SND1: variants seen among roughly 807,000 people sequenced by gnomAD.
SND1 encodes staphylococcal nuclease domain-containing protein 1.
SND1 carries 38 observed loss-of-function variants against 121.7 expected under a neutral mutation model. The ratio of observed to expected loss-of-function variants is 0.31; its 90% CI spans 0.24 to 0.41. The LOEUF (loss-of-function observed/expected upper bound fraction) is 0.41. SND1 is among the 10% of genes least tolerant of loss of function. SND1 has a pLI of 1.00. For synonymous variants in SND1, 401 were observed against 447.4 expected (o/e 0.90, Z 1.31); for missense variants, 868 against 1,184.6 (o/e 0.73, Z 3.92).
chr7:127,856,065 C>G (rs1382112497), intron 12 of SND1, among the ~76,000 whole-genome samples: 1 of 152,144 alleles, frequency 6.6e-6, no homozygotes, highest in East Asian at 1.9e-4. Flanking sequence ...CATTTTCCCC[C>G]TAAGTATTGA....
chr7:127,768,810 G>A (rs535766276), intron 10 of SND1, among the ~76,000 whole-genome samples: 14 of 152,154 alleles, frequency 9.2e-5, no homozygotes, highest in African/African-American at 2.2e-4. Flanking sequence ...ATTTAGTGTC[G>A]TTTTATTCAA....
chr7:128,057,452 G>C (rs1793161503), intron 16 of SND1, among the ~76,000 whole-genome samples: 1 of 152,212 alleles, frequency 6.6e-6, no homozygotes, highest in Admixed American at 6.5e-5. Context: ...GAGGTGGGCA[G>C]TTCAGAACCA....
At chr7:127,707,711 A>T in intron 9 of SND1, 64 bp downstream of exon 9, 5 of 1,381,096 alleles carry the variant, frequency 3.6e-6, no homozygotes, top group Non-Finnish European at 5.2e-6. Context: ...TAATACAAGA[A>T]TTTGAACAAT....
At chr7:127,662,871 C>T (rs907042911) in intron 1 of SND1, among the ~76,000 whole-genome samples, 3 of 151,390 alleles carry the variant, frequency 2.0e-5, no homozygotes, top group East Asian at 1.9e-4. Context: ...GCACATAACC[C>T]GTGCACAACC....
chr7:128,028,027 T>C (rs1284375272), intron 16 of SND1: 1 of 152,702 alleles, frequency 6.5e-6, no homozygotes, highest in Non-Finnish European at 1.5e-5. Flanking sequence ...CCAAGACTTG[T>C]GCACATGGAC....
At chr7:127,958,367 T>C (rs945769212) in intron 15 of SND1, among the ~76,000 whole-genome samples, 1 of 152,214 alleles carries the variant, frequency 6.6e-6, no homozygotes, top group Non-Finnish European at 1.5e-5. Flanking sequence ...GTTACCCTTA[T>C]TTTGCTGGTG....
At chr7:127,736,061 T>G (rs913524646) in intron 10 of SND1, among the ~76,000 whole-genome samples, 20 of 152,340 alleles carry the variant, frequency 1.3e-4, no homozygotes, top group African/African-American at 3.8e-4. Flanking sequence ...TCAATACTAG[T>G]CATTTTTGTA....
chr7:128,032,013 A>G (rs1214582212), intron 16 of SND1: 2 of 151,178 alleles, frequency 1.3e-5, no homozygotes, highest in Non-Finnish European at 3.0e-5. Context: ...CGCGGCGCCC[A>G]CCGTCTCCTC....
chr7:127,807,507 C>T lies in SND1; in HGVS notation c.1176C>T (p.Pro392=). 2.5e-6 allele frequency: 4 copies of T among 1,613,904 alleles called. No individual in the cohort carries two copies. Among genetic ancestry groups the T allele is most frequent in the South Asian group, 1.1e-5 (1 of 91,064 alleles). ...NTQDKNKKLR[P]LYDIPYMFEA... ...AGGATAAGAACAAGAAACTGCGTCC[C>T]CTGTATGACATTCCTTACATGTTTG... is the stretch of plus-strand genomic sequence containing the variant. The change falls in exon 11 of 24, where the codon CCC becomes CCT. Residue 392 remains proline, a synonymous_variant. Transcript: ENST00000354725.
chr7:127,955,140 C>T (rs909947420), intron 15 of SND1, among the ~76,000 whole-genome samples: 1 of 152,120 alleles, frequency 6.6e-6, no homozygotes, highest in East Asian at 1.9e-4. Context: ...GTGTGGGTGA[C>T]GTCCACATAA....
intron 9 of SND1, chr7:127,718,505 C>G: frequency 1.1e-6 from 1 of 927,442 alleles, no homozygotes; most frequent in Non-Finnish European, 1.3e-6. Flanking sequence ...CACGCATGCA[C>G]TCACCCTTCC....
At chr7:128,011,060 C>T (rs1563088035) in intron 16 of SND1, among the ~76,000 whole-genome samples, 1 of 151,946 alleles carries the variant, frequency 6.6e-6, no homozygotes, top group Admixed American at 6.6e-5. Context: ...GTGGTACTTA[C>T]ACCCCAGTGC....
At chr7:128,084,563 G>C (rs188530003) in intron 18 of SND1, among the ~76,000 whole-genome samples, 161 bp from the exon 19 acceptor site, 8 of 152,356 alleles carry the variant, frequency 5.3e-5, no homozygotes, top group Admixed American at 1.3e-4. Context: ...CTGGAGTGGA[G>C]ACCAAGAGGG....
chr7:127,842,711 T>C (rs1798986889), intron 11 of SND1, among the ~76,000 whole-genome samples: 1 of 152,030 alleles, frequency 6.6e-6, no homozygotes, highest in African/African-American at 2.4e-5. Context: ...GAGATGGGGG[T>C]CTTGCTTTGT....
intron 16 of SND1, among the ~76,000 whole-genome samples, chr7:128,034,364 C>CA (rs1792709471): frequency 6.6e-6 from 1 of 152,188 alleles, no homozygotes; most frequent in African/African-American, 2.4e-5. Flanking sequence ...TCTGGGCACT[C>CA]AGACTTTCTG....
At chr7:127,825,656 C>G (rs1459225621) in intron 11 of SND1, among the ~76,000 whole-genome samples, 1 of 151,794 alleles carries the variant, frequency 6.6e-6, no homozygotes, top group Non-Finnish European at 1.5e-5. Flanking sequence ...ATCCGCCCAC[C>G]CCGGCCTCCC....
At chr7:128,038,257 T>C (rs1489017199) in intron 16 of SND1, among the ~76,000 whole-genome samples, 1 of 152,242 alleles carries the variant, frequency 6.6e-6, no homozygotes, top group Admixed American at 6.5e-5. Context: ...TAAGAGCACA[T>C]GCGTGTCTGT....
chr7:127,764,524 T>C (rs1298233001), intron 10 of SND1, among the ~76,000 whole-genome samples: 1 of 152,250 alleles, frequency 6.6e-6, no homozygotes, highest in Non-Finnish European at 1.5e-5. Context: ...TTAGTTTGCC[T>C]GCATAGAGTA....
intron 1 of SND1, among the ~76,000 whole-genome samples, chr7:127,672,664 C>T (rs114201139): frequency 0.019 from 2,952 of 152,062 alleles, 107 homozygotes; most frequent in African/African-American, 0.068. Context: ...TACTGCCATC[C>T]AACCGGCAAA....
Sources: allele counts gnomAD v4.1 joint callset (sites outside exome capture counted in the v4.1 genomes callset), GRCh38; gene constraint gnomAD v4.1.1; transcripts MANE v1.5; gene names NCBI Gene and HGNC (gene_info 2026-07-23, HGNC 2026-07-21).